PREX1: variants seen among roughly 807,000 people sequenced by gnomAD.
The protein encoded by PREX1 is phosphatidylinositol-3,4,5-trisphosphate dependent Rac exchange factor 1.
PREX1 carries 41 observed loss-of-function variants against 198.3 expected under a neutral mutation model. The ratio of observed to expected loss-of-function variants is 0.21; its 90% confidence interval spans 0.16 to 0.27. The LOEUF is 0.27. PREX1 is among the 10% of genes least tolerant of loss of function. The pLI is 1.00. For synonymous variants in PREX1, 843 were observed against 887.2 expected (o/e 0.95, Z 0.89); for missense variants, 1,620 against 2,200.7 (o/e 0.74, Z 5.28).
the PREX1 span, among the ~76,000 whole-genome samples, chr20:48,876,206 C>A: frequency 2.6e-5 from 4 of 152,206 alleles, no homozygotes; most frequent in Non-Finnish European, 5.9e-5. Context: ...TCAGGAAGTT[C>A]TTTCCCCAGC....
chr20:48,625,857 C>T lies in PREX1; in HGVS notation c.*28G>A, dbSNP rs758659476. On this transcript the variant is annotated 3_prime_UTR_variant, in exon 40 of 40. Transcript: ENST00000371941. ...CCTCCCAAATCCCAGCTCCAGAGGC[C>T]GCGGCCCAGCGTGGGGCATTTGGGT... 7 of 1,548,148 alleles carry T rather than the reference C, an allele frequency of 4.5e-6. No individual in the cohort carries two copies. The highest frequency in any genetic ancestry group is 3.6e-5 in the South Asian group (3 of 84,300).
chr20:48,681,069 A>C (rs2089746132), intron 11 of PREX1, among the ~76,000 whole-genome samples, 166 bp downstream of exon 11: 1 of 152,206 alleles, frequency 6.6e-6, no homozygotes, highest in South Asian at 2.1e-4. Context: ...GGTGCCTAAG[A>C]GGCAGTTTTA....
At chr20:48,862,692 G>A in the PREX1 span, among the ~76,000 whole-genome samples, 2 of 146,792 alleles carry the variant, frequency 1.4e-5, no homozygotes, top group Non-Finnish European at 1.5e-5. Flanking sequence ...AAAAAAGAAT[G>A]AAAAATTGGA....
At chr20:48,875,149 G>A in the PREX1 span, among the ~76,000 whole-genome samples, 20 of 152,212 alleles carry the variant, frequency 1.3e-4, no homozygotes, top group Non-Finnish European at 2.9e-4. Flanking sequence ...AGCATCCGGT[G>A]TGACATGAGT....
At position 48,655,897 on chromosome 20, in the gene PREX1, T is replaced by A. The variant is rs2089539304; in HGVS notation, c.2124-522A>T. Among the ~76,000 whole-genome samples the A allele has an allele frequency of 5.9e-5, 9 of 152,086 alleles. 1 individual carries two copies. The South Asian group carries it at 1.9e-3, about 32-fold the overall frequency. On this transcript the variant is annotated intron_variant, in intron 18 of 39. Coordinates refer to ENST00000371941, the MANE Select transcript of PREX1 (RefSeq NM_020820.4). ...AATGGGTGTCACTGCTCCTGGAGCA[T>A]CAGTACCCTGCCCACATCCCCGTCT...
Position 48,701,430 on chromosome 20 carries a change from T to C in PREX1, c.784-544A>G, listed in dbSNP as rs536011921. Reference sequence around the variant, plus strand: ...GGTTTCACCACGTTGGTCAGGCTGGTCTTGAACTCCTGACCTCAGGTGATC... The same window carrying C: ...GGTTTCACCACGTTGGTCAGGCTGGCCTTGAACTCCTGACCTCAGGTGATC... On this transcript the variant is annotated intron_variant, in intron 6 of 39. Coordinates refer to ENST00000371941, the MANE Select transcript of PREX1 (RefSeq NM_020820.4). 2.0e-5 allele frequency among the ~76,000 whole-genome samples: 3 copies of C among 152,246 alleles called. No individual in the cohort carries two copies. In the East Asian group the frequency reaches 5.8e-4, roughly 29 times the overall value.
At chr20:48,738,519 C>T (rs781281187) in intron 3 of PREX1, among the ~76,000 whole-genome samples, 2 of 152,228 alleles carry the variant, frequency 1.3e-5, no homozygotes, top group African/African-American at 2.4e-5. Flanking sequence ...AGGCCTGAGA[C>T]CCTGCAAATA....
intron 7 of PREX1, among the ~76,000 whole-genome samples, chr20:48,700,124 A>C (rs1315744811): frequency 2.0e-5 from 3 of 152,264 alleles, no homozygotes; most frequent in Non-Finnish European, 4.4e-5. Flanking sequence ...TACAGAGCGC[A>C]AGAAGCACCA....
chr20:48,650,586 G>A (rs374761117), intron 23 of PREX1, among the ~76,000 whole-genome samples: 38 of 152,334 alleles, frequency 2.5e-4, no homozygotes, highest in Middle Eastern at 3.4e-3. Context: ...GAACTCCCTT[G>A]GAGTTAATTT....
intron 1 of PREX1, among the ~76,000 whole-genome samples, chr20:48,768,171 C>T (rs2122869141): frequency 6.6e-6 from 1 of 152,286 alleles, no homozygotes; most frequent in South Asian, 2.1e-4. Context: ...AAGCCTCTAT[C>T]TCTCAGTGTT....
chr20:48,771,912 G>A (rs6019410), intron 1 of PREX1, among the ~76,000 whole-genome samples: 2 of 152,194 alleles, frequency 1.3e-5, no homozygotes, highest in African/African-American at 4.8e-5. Context: ...GATGTGTCTA[G>A]GCTGGGCGCG....
At position 48,712,601 on chromosome 20, in the gene PREX1, T is replaced by C. The variant is rs374352828; in HGVS notation, c.622-4180A>G. ...AAAGGCTGCTTCCCTTTTCTATCTG[T>C]CCGCCTCTATCTCTATTCTTGCTCT... is the stretch of plus-strand genomic sequence containing the variant. On this transcript the variant is annotated intron_variant, in intron 5 of 39. Transcript: ENST00000371941. Among the ~76,000 whole-genome samples, 93 of 152,336 alleles carry C rather than the reference T, an allele frequency of 6.1e-4. 1 individual carries two copies. In the South Asian group the frequency reaches 0.015, roughly 24 times the overall value.
the PREX1 span, among the ~76,000 whole-genome samples, chr20:48,864,385 A>G: frequency 6.6e-6 from 1 of 152,248 alleles, no homozygotes; most frequent in Non-Finnish European, 1.5e-5. Flanking sequence ...AACCAAGTAA[A>G]TAAATGAATC....
intron 10 of PREX1, 78 bp from the exon 11 acceptor site, chr20:48,681,413 C>T (rs2089749587): frequency 1.5e-6 from 2 of 1,336,516 alleles, no homozygotes; most frequent in Admixed American, 3.4e-5. Flanking sequence ...GCTGGCCTGG[C>T]CACATCCACC....
At chr20:48,653,848 G>A (rs1181615107) in intron 19 of PREX1, among the ~76,000 whole-genome samples, 1 of 152,244 alleles carries the variant, frequency 6.6e-6, no homozygotes, top group Non-Finnish European at 1.5e-5. Context: ...TGGGCTCAGA[G>A]AGGCAAAGCC....
chr20:48,701,495 T>C (rs1029513705), intron 6 of PREX1, among the ~76,000 whole-genome samples: 1 of 152,130 alleles, frequency 6.6e-6, no homozygotes, highest in African/African-American at 2.4e-5. Flanking sequence ...ATTACAGACA[T>C]GAGCCACCAC....
chr20:48,831,877 G>A (rs1049645555), upstream of PREX1, among the ~76,000 whole-genome samples: 1 of 152,184 alleles, frequency 6.6e-6, no homozygotes, highest in Non-Finnish European at 1.5e-5. Flanking sequence ...TCAAAACCTG[G>A]CTGCCTCCCA....
chr20:48,655,894 G>A (rs1488866844), intron 18 of PREX1, among the ~76,000 whole-genome samples: 1 of 152,166 alleles, frequency 6.6e-6, no homozygotes. Flanking sequence ...TGCTCCTGGA[G>A]CATCAGTACC....
intron 1 of PREX1, among the ~76,000 whole-genome samples, chr20:48,795,294 G>A (rs1395872076): frequency 2.0e-5 from 3 of 152,110 alleles, no homozygotes; most frequent in Non-Finnish European, 4.4e-5. Flanking sequence ...CCTTATCTGT[G>A]GAATGGGAAT....
Sources: allele counts gnomAD v4.1 joint callset (sites outside exome capture counted in the v4.1 genomes callset), GRCh38; gene constraint gnomAD v4.1.1; transcripts MANE v1.5; gene names NCBI Gene and HGNC (gene_info 2026-07-23, HGNC 2026-07-21).